Variants in MTOR observed in about 807,000 individuals in gnomAD.
The protein encoded by MTOR is mechanistic target of rapamycin kinase.
Under a neutral mutation model 319.8 loss-of-function variants are expected in MTOR, and 70 were observed. The ratio of observed to expected loss-of-function variants is 0.22; its 90% confidence interval spans 0.18 to 0.27. The LOEUF (loss-of-function observed/expected upper bound fraction) is 0.27, where lower values mean the gene tolerates loss of function less well. Ranked by LOEUF, MTOR falls within the 10% of genes least tolerant of loss-of-function variation. The pLI is 1.00. For missense variants in MTOR, 1,890 were observed against 3,274.4 expected (o/e 0.58, Z 10.32); for synonymous variants, 1,183 against 1,211.4 (o/e 0.98, Z 0.49).
At position 11,215,276 on chromosome 1, in the gene MTOR, C is replaced by T. The variant is rs888592059; in HGVS notation, c.3117+872G>A. Among the ~76,000 whole-genome samples, 13 of 152,334 alleles carry T rather than the reference C, an allele frequency of 8.5e-5. No homozygotes were observed. In the South Asian group the frequency reaches 2.5e-3, roughly 29 times the overall value. ...TAAGACTAGCCATCGGCCTCTTTAG[C>T]ATTCTGCCTAAATCCTCCTTGTACA... On this transcript the variant is annotated intron_variant, in intron 20 of 57. Transcript: ENST00000361445.
rs1272772525 is a variant in MTOR at position 11,107,074 on chromosome 1, T to C, written c.*411A>G. The C allele has an allele frequency of 7.3e-7, 1 of 1,373,024 alleles. No individual in the cohort carries two copies. Among genetic ancestry groups the C allele is most frequent in the South Asian group, 1.2e-5 (1 of 81,750 alleles). 85.1% of individuals were successfully genotyped at this position (1,373,024 alleles called of 1,614,324 possible). A position where few individuals can be genotyped will look rare whatever the true frequency, so the allele number is the denominator to read the frequency against. ...ATCCTAATCCATGTTCTCCACGACC[T>C]GAGGCTTCTTGGCTGTGCTGAGTTT... On this transcript the variant is annotated 3_prime_UTR_variant, in exon 58 of 58. Transcript: ENST00000361445.
chr1:11,211,565 T>C (rs1211849843), intron 23 of MTOR, among the ~76,000 whole-genome samples: 1 of 152,120 alleles, frequency 6.6e-6, no homozygotes, highest in Non-Finnish European at 1.5e-5. Context: ...GACAGGGTCT[T>C]GCTATGTCTG....
chr1:11,129,924 A>G lies in MTOR; in HGVS notation c.5614-86T>C. 9.0e-7 allele frequency: 1 copy of G among 1,115,668 alleles called. No individual in the cohort carries two copies. Among genetic ancestry groups the G allele is most frequent in the Admixed American group, 2.0e-5 (1 of 50,866 alleles). The allele number at this position is 1,115,668 out of a possible 1,614,324, so 69.1% of individuals were successfully genotyped here. A position where few individuals can be genotyped will look rare whatever the true frequency, so the allele number is the denominator to read the frequency against. On this transcript the variant is annotated intron_variant, in intron 39 of 57. Transcript: ENST00000361445. The surrounding 1 kb of genome is among the most constrained non-coding windows in gnomAD (Gnocchi z 4.7). Reference sequence around the variant, plus strand: ...GCATAAGAGCATACTAACTGTACCTACTTCAAAGGGTGGTTATAACAATTA... The same window carrying G: ...GCATAAGAGCATACTAACTGTACCTGCTTCAAAGGGTGGTTATAACAATTA...
intron 29 of MTOR, among the ~76,000 whole-genome samples, chr1:11,162,540 T>C (rs1380050246): frequency 6.6e-6 from 1 of 152,190 alleles, no homozygotes; most frequent in Non-Finnish European, 1.5e-5. Flanking sequence ...GAGAGAAAGG[T>C]TGGGTTACCC....
At chr1:11,137,834 C>G (rs1643501412) in intron 36 of MTOR, among the ~76,000 whole-genome samples, 1 of 152,222 alleles carries the variant, frequency 6.6e-6, no homozygotes, top group South Asian at 2.1e-4. Context: ...CCCACAAATA[C>G]TTTCCTTTGC....
intron 36 of MTOR, among the ~76,000 whole-genome samples, chr1:11,138,406 G>C (rs1483302440): frequency 1.3e-5 from 2 of 152,208 alleles, no homozygotes; most frequent in Non-Finnish European, 2.9e-5. Flanking sequence ...CCAGGTGCCT[G>C]GGTACAGGCT....
chr1:11,213,475 T>C lies in MTOR; in HGVS notation c.3209A>G (p.Tyr1070Cys), dbSNP rs1306339123. The C allele has an allele frequency of 3.7e-6, 6 of 1,613,974 alleles. No homozygotes were observed. The highest frequency in any genetic ancestry group is 1.7e-5 in the Admixed American group (1 of 60,008). Residue 1070 changes from tyrosine (Y) to cysteine (C), a missense_variant, in exon 21 of 58, where the codon TAC (tyrosine) becomes TGC (cysteine). This residue lies in a region of MTOR where 377 missense variants were observed against 653.9 expected (regional missense o/e 0.58). Transcript: ENST00000361445. Reference protein sequence around the residue: ...VVALGGEFKLYLPQLIPHMLR... With the variant: ...VVALGGEFKLCLPQLIPHMLR... ...CATGTGTGGGATCAGCTGGGGCAGG[T>C]AGAGCTTAAATTCACCCCCAAGAGC... is the stretch of plus-strand genomic sequence containing the variant.
At chr1:11,238,326 T>G in intron 12 of MTOR, 76 bp downstream of exon 12, 1 of 1,436,966 alleles carries the variant, frequency 7.0e-7, no homozygotes, top group South Asian at 1.2e-5. Flanking sequence ...AGAGAGGCCA[T>G]GTAATGAAAC....
At position 11,213,427 on chromosome 1, in the gene MTOR, T is replaced by C. The variant is rs760746459; in HGVS notation, c.3257A>G (p.Asn1086Ser). The change falls in exon 21 of 58, where the codon AAC (asparagine) becomes AGC (serine). Residue 1086 changes from asparagine (N) to serine (S), a missense_variant. By Grantham distance (46) the Asn-to-Ser change is conservative. This residue lies in a region of MTOR where 377 missense variants were observed against 653.9 expected (regional missense o/e 0.58). Coordinates refer to ENST00000361445, the MANE Select transcript of MTOR (RefSeq NM_004958.4). Reference protein sequence around the residue: ...PHMLRVFMHDNSPGRIVSIKL... With the variant: ...PHMLRVFMHDSSPGRIVSIKL... ...GATAGAGACAATGCGGCCTGGGCTG[T>C]TGTCATGCATGAAGACACGCAGCAT... The C allele has an allele frequency of 1.2e-6, 2 of 1,613,066 alleles. No individual in the cohort carries two copies. The highest frequency in any genetic ancestry group is 2.2e-5 in the East Asian group (1 of 44,866).
intron 54 of MTOR, chr1:11,111,555 G>C (rs1393382453): frequency 1.1e-5 from 2 of 189,708 alleles, no homozygotes; most frequent in Non-Finnish European, 2.1e-5. Flanking sequence ...ACCAACCCAA[G>C]TGCTCTCTTC....
In MTOR at chr1:11,114,793, C is replaced by A. The variant is rs1148477; in HGVS notation, c.7164+20G>T. ...GTCCTGATCCCATTTGGAAGCAGCT[C>A]GTTCCCGATATCCACTCACCTCCAT... On this transcript the variant is annotated intron_variant, in intron 52 of 57. Transcript: ENST00000361445. 3.1e-6 allele frequency: 5 copies of A among 1,612,152 alleles called. No homozygotes were observed. Among genetic ancestry groups the A allele is most frequent in the Non-Finnish European group, 4.2e-6 (5 of 1,178,242 alleles).
At chr1:11,221,755 TACTC>T (rs1196713948) in intron 19 of MTOR, among the ~76,000 whole-genome samples, 6 of 148,540 alleles carry the variant, frequency 4.0e-5, no homozygotes, top group African/African-American at 9.8e-5. Context: ...TATATAGAAA[TACTC>T]TATATAGAGA....
chr1:11,139,495 G>GTGGGTGGTTGT, intron 35 of MTOR, 38 bp downstream of exon 35: 1 of 1,614,076 alleles, frequency 6.2e-7, no homozygotes, highest in Middle Eastern at 1.6e-4. Flanking sequence ...ACACCATGGG[G>GTGGGTGGTTGT]CCCTACCTGC....
intron 23 of MTOR, 43 bp from the exon 24 acceptor site, chr1:11,210,949 G>A (rs1477274803): frequency 4.0e-6 from 5 of 1,264,926 alleles, no homozygotes; most frequent in Admixed American, 3.6e-5. Flanking sequence ...TCATTTTGGA[G>A]AGTGGAGAAA....
intron 25 of MTOR, among the ~76,000 whole-genome samples, chr1:11,205,606 C>A (rs1436938103): frequency 6.6e-6 from 1 of 152,192 alleles, no homozygotes; most frequent in Non-Finnish European, 1.5e-5. Context: ...GCAGCTGTAA[C>A]ACCCTGGGCA....
intron 18 of MTOR, among the ~76,000 whole-genome samples, chr1:11,230,714 A>T (rs920336486): frequency 1.3e-5 from 2 of 152,336 alleles, no homozygotes; most frequent in East Asian, 3.9e-4. Context: ...TTGACAAAGA[A>T]TCTAGACAGA....
At chr1:11,154,812 G>A (rs1204952553) in intron 30 of MTOR, among the ~76,000 whole-genome samples, 1 of 151,698 alleles carries the variant, frequency 6.6e-6, no homozygotes, top group Non-Finnish European at 1.5e-5. Context: ...TCACACCACT[G>A]TACTCCACTG....
intron 28 of MTOR, among the ~76,000 whole-genome samples, chr1:11,179,414 G>A (rs1430116283): frequency 6.6e-6 from 1 of 152,226 alleles, no homozygotes; most frequent in East Asian, 1.9e-4. Context: ...TAAATCTCCA[G>A]GTAGTCTGAA....
intron 36 of MTOR, among the ~76,000 whole-genome samples, chr1:11,135,663 T>A (rs1169917147): frequency 6.9e-6 from 1 of 145,374 alleles, no homozygotes; most frequent in Non-Finnish European, 1.5e-5. Flanking sequence ...GTGAAACCTG[T>A]CTCTACCAAA....
Sources: allele counts gnomAD v4.1 joint callset (sites outside exome capture counted in the v4.1 genomes callset), GRCh38; gene constraint gnomAD v4.1.1; regional missense constraint gnomAD v4.1.1; non-coding constraint Gnocchi (gnomAD v3.1); transcripts MANE v1.5; gene names NCBI Gene and HGNC (gene_info 2026-07-23, HGNC 2026-07-21).